The following ERBB4 variants were observed in gnomAD, a reference collection of about 807,000 sequenced individuals.
ERBB4 encodes the protein erb-b2 receptor tyrosine kinase 4.
ERBB4 carries 42 observed loss-of-function variants against 158.0 expected under a neutral mutation model. The observed-to-expected ratio is 0.27, with a 90% CI of 0.21 to 0.34. ERBB4 has a LOEUF of 0.34. ERBB4 is among the 10% of genes least tolerant of loss of function. The probability of loss-of-function intolerance (pLI) is 1.00; values close to 1 mark genes in which losing one functional copy is unlikely to be tolerated. For synonymous variants in ERBB4, 583 were observed against 558.7 expected, an observed-to-expected ratio of 1.04 and a Z score of -0.61; for missense variants, 1,333 against 1,624.1, an observed-to-expected ratio of 0.82 and a Z score of 3.08.
intron 1 of ERBB4, among the ~76,000 whole-genome samples, chr2:212,374,757 A>T (rs1416355824): frequency 6.6e-6 from 1 of 152,012 alleles, no homozygotes; most frequent in African/African-American, 2.4e-5. Context: ...TTGGAAACTA[A>T]CAAATAAAGA....
At chr2:211,385,634 C>CTATAG in intron 27 of ERBB4, among the ~76,000 whole-genome samples, 1 of 152,246 alleles carries the variant, frequency 6.6e-6, no homozygotes, top group Non-Finnish European at 1.5e-5. Context: ...CGAGGTTAGA[C>CTATAG]TATAGCAACC....
At chr2:212,372,051 A>C (rs941421324) in intron 1 of ERBB4, among the ~76,000 whole-genome samples, 1 of 152,096 alleles carries the variant, frequency 6.6e-6, no homozygotes, top group Admixed American at 6.6e-5. Flanking sequence ...AAACAAGAAG[A>C]CCTGGGCCTT....
chr2:211,721,741 T>C (rs2106119931), intron 7 of ERBB4, among the ~76,000 whole-genome samples: 2 of 151,946 alleles, frequency 1.3e-5, no homozygotes, highest in Admixed American at 1.3e-4. Context: ...TAAAAATCCA[T>C]TGTTATTAGA....
chr2:211,660,121 G>A (rs1193947994), intron 15 of ERBB4, among the ~76,000 whole-genome samples: 1 of 152,188 alleles, frequency 6.6e-6, no homozygotes, highest in Non-Finnish European at 1.5e-5. Context: ...GAAAAAAGAA[G>A]TTAGAACATT....
intron 1 of ERBB4, among the ~76,000 whole-genome samples, chr2:212,293,846 TCAAAAAAAAAAA>T (rs2086298804): frequency 2.9e-4 from 3 of 10,394 alleles, no homozygotes; most frequent in South Asian, 4.1e-3. Context: ...AGACTCTGTC[TCAAAAAAAAAAA>T]CAAAAAAAAA....
In ERBB4 at chr2:212,174,480, T is replaced by C. The variant is rs922440620; in HGVS notation, c.83-49577A>G. Among the ~76,000 whole-genome samples the C allele has an allele frequency of 2.6e-5, 4 of 152,110 alleles. No individual in the cohort carries two copies. The East Asian group carries it at 7.7e-4, about 29-fold the overall frequency. The stretch of plus-strand genomic sequence containing the variant: ...ATGAAATGTGACAAATTACCCAATA[T>C]GGACTTGCACTTCCTTTCAGTTGAG... On this transcript the variant is annotated intron_variant, in intron 1 of 27. Coordinates refer to ENST00000342788, the MANE Select transcript of ERBB4 (RefSeq NM_005235.3).
chr2:211,867,024 CAAAA>C (rs386392490), intron 3 of ERBB4, among the ~76,000 whole-genome samples: 22 of 60,624 alleles, frequency 3.6e-4, no homozygotes, highest in African/African-American at 1.1e-3. Flanking sequence ...TCCTTAAAAC[CAAAA>C]AAAAAAAAAA....
At chr2:212,429,531 T>C (rs2091981881) in intron 1 of ERBB4, among the ~76,000 whole-genome samples, 1 of 152,202 alleles carries the variant, frequency 6.6e-6, no homozygotes, top group South Asian at 2.1e-4. Context: ...CATATGACAG[T>C]TACCAAAATT....
intron 3 of ERBB4, among the ~76,000 whole-genome samples, chr2:211,929,262 T>A (rs201702802): frequency 7.9e-6 from 1 of 126,318 alleles, no homozygotes; most frequent in South Asian, 2.5e-4. Context: ...TGTGTGTGTG[T>A]GTGACAGAGA....
chr2:212,128,894 G>C (rs1431354648), intron 1 of ERBB4, among the ~76,000 whole-genome samples: 1 of 151,988 alleles, frequency 6.6e-6, no homozygotes, highest in Non-Finnish European at 1.5e-5. Context: ...CGAAGTCCAA[G>C]ATATTTTTCA....
At chr2:212,459,292 A>T (rs1231214284) in intron 1 of ERBB4, among the ~76,000 whole-genome samples, 1 of 152,134 alleles carries the variant, frequency 6.6e-6, no homozygotes, top group Non-Finnish European at 1.5e-5. Flanking sequence ...CAATTTATTA[A>T]GGAAAGTCAG....
At chr2:211,413,329 C>A (rs868467931) in intron 25 of ERBB4, among the ~76,000 whole-genome samples, 15,019 of 102,752 alleles carry the variant, frequency 0.15, 2,460 homozygotes, top group Non-Finnish European at 0.21. Context: ...CACACACACA[C>A]ACACACACAC....
chr2:212,312,594 G>A (rs1434050748), intron 1 of ERBB4, among the ~76,000 whole-genome samples: 1 of 150,706 alleles, frequency 6.6e-6, no homozygotes, highest in East Asian at 2.0e-4. Context: ...ACTATTTTAA[G>A]CATGCAAGCA....
intron 19 of ERBB4, among the ~76,000 whole-genome samples, chr2:211,596,448 C>T (rs1222093171): frequency 2.0e-5 from 3 of 152,120 alleles, no homozygotes; most frequent in Non-Finnish European, 1.5e-5. Flanking sequence ...ATGCTTAGGT[C>T]TAAAAATATT....
rs116412813 is a variant in ERBB4, at chr2:211,972,535, G to T, written c.235-24919C>A. Reference sequence around the variant, plus strand: ...AGGCTACAGTAACCAACACAGCAAGGTACCGGTGAAAAAGCAGACACATAG... The same window carrying T: ...AGGCTACAGTAACCAACACAGCAAGTTACCGGTGAAAAAGCAGACACATAG... On this transcript the variant is annotated intron_variant, in intron 2 of 27. Transcript: ENST00000342788. Among the ~76,000 whole-genome samples the T allele has an allele frequency of 7.5e-3, 1,134 of 152,190 alleles. 14 individuals are homozygous for T. The highest frequency in any genetic ancestry group is 0.025 in the African/African-American group (1,045 of 41,522).
intron 3 of ERBB4, among the ~76,000 whole-genome samples, chr2:211,870,275 TA>T (rs1222629508): frequency 2.6e-5 from 4 of 152,088 alleles, no homozygotes; most frequent in South Asian, 4.1e-4. Context: ...CAAGTGGCCA[TA>T]AAAAAAGTAC....
At chr2:211,669,357 T>G (rs1336181683) in intron 14 of ERBB4, among the ~76,000 whole-genome samples, 4 of 152,086 alleles carry the variant, frequency 2.6e-5, no homozygotes, top group Non-Finnish European at 5.9e-5. Flanking sequence ...CAACCTTTAT[T>G]AACCTAAATT....
chr2:211,640,102 AT>A (rs573794721), intron 16 of ERBB4, among the ~76,000 whole-genome samples: 19 of 151,456 alleles, frequency 1.3e-4, no homozygotes, highest in Middle Eastern at 3.4e-3. Context: ...AGCATTTTTG[AT>A]TTTTTTTTAA....
intron 2 of ERBB4, among the ~76,000 whole-genome samples, chr2:211,977,875 C>T (rs1401753618): frequency 8.2e-6 from 1 of 121,660 alleles, no homozygotes; most frequent in Non-Finnish European, 1.8e-5. Context: ...AAAAAAAAAG[C>T]AACTTGAAAA....
Sources: allele counts gnomAD v4.1 joint callset (sites outside exome capture counted in the v4.1 genomes callset), GRCh38; gene constraint gnomAD v4.1.1; transcripts MANE v1.5; gene names NCBI Gene and HGNC (gene_info 2026-07-23, HGNC 2026-07-21).